LRP1B: variants seen among roughly 807,000 people sequenced by gnomAD.
LRP1B encodes LDL receptor related protein 1B.
A neutral mutation model predicts 556.6 loss-of-function variants in LRP1B; 217 were observed. That is an observed-to-expected ratio of 0.39 (90% CI 0.35 to 0.44). LRP1B has a LOEUF of 0.44. Among genes scored for constraint, LRP1B ranks in the 20% least tolerant of loss-of-function variants. The probability of loss-of-function intolerance (pLI) is 1.00; values close to 1 mark genes in which losing one functional copy is unlikely to be tolerated. For missense variants in LRP1B, 5,053 were observed against 5,620.8 expected, an observed-to-expected ratio of 0.90 and a Z score of 3.23; for synonymous variants, 2,047 against 1,865.8, an observed-to-expected ratio of 1.10 and a Z score of -2.50.
chr2:141,238,291 T>C (rs987484599), intron 5 of LRP1B, among the ~76,000 whole-genome samples: 1 of 152,148 alleles, frequency 6.6e-6, no homozygotes, highest in Non-Finnish European at 1.5e-5. Context: ...TACTCAGACA[T>C]CTTTCTCTAT....
At chr2:141,884,735 G>C (rs968700949) in intron 1 of LRP1B, among the ~76,000 whole-genome samples, 1 of 152,160 alleles carries the variant, frequency 6.6e-6, no homozygotes. Flanking sequence ...GGGCCGATGT[G>C]GATAGTCTTC....
At chr2:141,574,080 C>T (rs970664587) in intron 2 of LRP1B, among the ~76,000 whole-genome samples, 1 of 152,150 alleles carries the variant, frequency 6.6e-6, no homozygotes, top group African/African-American at 2.4e-5. Flanking sequence ...GGGGACTCCT[C>T]CCTAACTCAT....
intron 76 of LRP1B, among the ~76,000 whole-genome samples, chr2:140,352,122 T>A (rs750942384): frequency 2.6e-5 from 4 of 152,080 alleles, no homozygotes; most frequent in Non-Finnish European, 4.4e-5. Flanking sequence ...AATATTAAAA[T>A]CTATACCTAC....
At chr2:140,988,133 C>T (rs998828503) in intron 17 of LRP1B, among the ~76,000 whole-genome samples, 14 of 151,868 alleles carry the variant, frequency 9.2e-5, no homozygotes, top group African/African-American at 3.4e-4. Flanking sequence ...AGAGAAATGA[C>T]CTTGGAGACA....
At chr2:141,265,159 G>A (rs752978067) in intron 3 of LRP1B, among the ~76,000 whole-genome samples, 1 of 152,144 alleles carries the variant, frequency 6.6e-6, no homozygotes, top group African/African-American at 2.4e-5. Context: ...TCAAGAAGAC[G>A]CAGATGCTAC....
chr2:141,132,657 C>G (rs1701388178), intron 7 of LRP1B, among the ~76,000 whole-genome samples: 1 of 151,776 alleles, frequency 6.6e-6, no homozygotes, highest in Non-Finnish European at 1.5e-5. Flanking sequence ...AATAGTTAAA[C>G]AACTAAAACT....
At chr2:141,368,603 C>T (rs1224085565) in intron 3 of LRP1B, among the ~76,000 whole-genome samples, 1 of 152,174 alleles carries the variant, frequency 6.6e-6, no homozygotes, top group Non-Finnish European at 1.5e-5. Flanking sequence ...GGATACCTCA[C>T]ATGTGGCTTT....
chr2:140,419,505 T>C (rs1302258691), intron 66 of LRP1B, among the ~76,000 whole-genome samples: 1 of 152,174 alleles, frequency 6.6e-6, no homozygotes, highest in Non-Finnish European at 1.5e-5. Context: ...ATAAGACTTT[T>C]CAAATGCACA....
At chr2:140,987,211 C>T (rs192845806) in intron 17 of LRP1B, among the ~76,000 whole-genome samples, 85 of 152,098 alleles carry the variant, frequency 5.6e-4, no homozygotes, top group Admixed American at 5.2e-3. Context: ...TTAAGGTATC[C>T]AGTGACTATA....
intron 2 of LRP1B, among the ~76,000 whole-genome samples, chr2:141,587,281 A>G (rs1229861171): frequency 2.0e-5 from 3 of 152,212 alleles, no homozygotes; most frequent in Non-Finnish European, 4.4e-5. Context: ...ATAAATAGTC[A>G]ACCACATAGG....
chr2:140,928,766 C>G (rs927340617), intron 20 of LRP1B, among the ~76,000 whole-genome samples: 1 of 152,042 alleles, frequency 6.6e-6, no homozygotes, highest in Non-Finnish European at 1.5e-5. Context: ...GAAGGTGACA[C>G]TTGAGTGAGA....
intron 2 of LRP1B, among the ~76,000 whole-genome samples, chr2:141,758,122 A>G (rs1022723017): frequency 6.6e-6 from 1 of 152,164 alleles, no homozygotes; most frequent in Non-Finnish European, 1.5e-5. Flanking sequence ...TCATTAACCT[A>G]CATGAGTTGC....
At chr2:141,675,349 T>C (rs1690835233) in intron 2 of LRP1B, among the ~76,000 whole-genome samples, 2 of 151,946 alleles carry the variant, frequency 1.3e-5, no homozygotes, top group Non-Finnish European at 2.9e-5. Flanking sequence ...CAAAAATAAT[T>C]CTCACATACT....
At chr2:141,554,433 G>A (rs920670699) in intron 2 of LRP1B, among the ~76,000 whole-genome samples, 3 of 150,584 alleles carry the variant, frequency 2.0e-5, no homozygotes, top group African/African-American at 7.3e-5. Context: ...ACATATATCT[G>A]CATATAACAC....
chr2:140,894,942 CAA>C (rs553164109), intron 23 of LRP1B, among the ~76,000 whole-genome samples: 3,897 of 112,930 alleles, frequency 0.035, 72 homozygotes, highest in Non-Finnish European at 0.042. Flanking sequence ...GACTCTGCCT[CAA>C]AAAAAAAAAA....
chr2:141,038,139 T>TA (rs34603242), intron 11 of LRP1B, among the ~76,000 whole-genome samples: 79,862 of 148,658 alleles, frequency 0.54, 23,239 homozygotes, highest in Non-Finnish European at 0.66. Flanking sequence ...TAAAAATAAT[T>TA]AAAAAAAAAA....
chr2:141,790,748 G>A (rs1695585039), intron 2 of LRP1B, among the ~76,000 whole-genome samples: 1 of 151,800 alleles, frequency 6.6e-6, no homozygotes, highest in Non-Finnish European at 1.5e-5. Flanking sequence ...ATAGAAAAAT[G>A]ATTCTAGAAA....
intron 84 of LRP1B, among the ~76,000 whole-genome samples, chr2:140,291,680 G>A (rs2104988091): frequency 6.6e-6 from 1 of 152,138 alleles, no homozygotes; most frequent in Non-Finnish European, 1.5e-5. Flanking sequence ...TGGTGTATAT[G>A]TGCCACATTT....
At chr2:140,715,004 A>C (rs1382509765) in intron 37 of LRP1B, among the ~76,000 whole-genome samples, 1 of 152,198 alleles carries the variant, frequency 6.6e-6, no homozygotes, top group African/African-American at 2.4e-5. Flanking sequence ...AACAAGACAA[A>C]AATATAAGAA....
Sources: gnomAD v4.1 joint callset for allele counts (sites outside exome capture counted in the v4.1 genomes callset) on GRCh38, gnomAD v4.1.1 for gene constraint, MANE v1.5 for transcripts, NCBI Gene and HGNC (gene_info 2026-07-23, HGNC 2026-07-21) for gene names.